HSD17B12: variants seen among roughly 807,000 people sequenced by gnomAD.
HSD17B12 encodes the protein very-long-chain 3-oxoacyl-CoA reductase.
A neutral mutation model predicts 39.3 loss-of-function variants in HSD17B12; 32 were observed. The observed-to-expected ratio is 0.81, with a 90% CI of 0.61 to 1.09. HSD17B12 has a LOEUF of 1.09. Ranked by LOEUF, HSD17B12 falls within the 50% of genes least tolerant of loss-of-function variation. The probability of loss-of-function intolerance (pLI) is 0.00; values close to 1 mark genes in which losing one functional copy is unlikely to be tolerated. For missense variants in HSD17B12, 342 were observed against 382.9 expected (o/e 0.89, Z 0.89); for synonymous variants, 150 against 146.7 (o/e 1.02, Z -0.16).
At chr11:43,640,862 C>CA in the HSD17B12 span, 1 of 151,302 alleles carries the variant, frequency 6.6e-6, no homozygotes, top group African/African-American at 2.4e-5. Context: ...AATTAGGACT[C>CA]AAAAATACAA....
chr11:43,691,270 C>T (rs935143577), intron 1 of HSD17B12, among the ~76,000 whole-genome samples: 3 of 152,208 alleles, frequency 2.0e-5, no homozygotes, highest in African/African-American at 7.2e-5. Flanking sequence ...TAGTAGCAGC[C>T]TTCAGCAACA....
the HSD17B12 span, among the ~76,000 whole-genome samples, chr11:43,565,742 G>T: frequency 1.3e-5 from 2 of 152,176 alleles, no homozygotes; most frequent in African/African-American, 4.8e-5. Context: ...TTTGTTCTGC[G>T]TGGCTTCGCA....
At chr11:43,736,368 T>G (rs1396715660) in intron 1 of HSD17B12, among the ~76,000 whole-genome samples, 1 of 152,154 alleles carries the variant, frequency 6.6e-6, no homozygotes, top group Non-Finnish European at 1.5e-5. Context: ...TTTGCCAGTT[T>G]TTTAAGTGAC....
chr11:43,667,650 G>A, the HSD17B12 span, among the ~76,000 whole-genome samples: 3 of 152,036 alleles, frequency 2.0e-5, no homozygotes, highest in Non-Finnish European at 4.4e-5. Context: ...ATCTAAACAC[G>A]AAATTCATTC....
chr11:43,842,998 T>C (rs112505641), intron 9 of HSD17B12, among the ~76,000 whole-genome samples: 146 of 152,368 alleles, frequency 9.6e-4, no homozygotes, highest in African/African-American at 3.4e-3. Context: ...TAGAAGCTAC[T>C]GTAAAAACAC....
At chr11:43,783,267 T>C (rs993291223) in intron 3 of HSD17B12, among the ~76,000 whole-genome samples, 2 of 152,308 alleles carry the variant, frequency 1.3e-5, no homozygotes, top group African/African-American at 4.8e-5. Flanking sequence ...TATTCCTCAA[T>C]GTTAATTTCT....
the HSD17B12 span, among the ~76,000 whole-genome samples, chr11:43,635,341 A>G: frequency 3.9e-5 from 6 of 152,242 alleles, no homozygotes; most frequent in Non-Finnish European, 5.9e-5. Flanking sequence ...CTGACAGGCA[A>G]ACTCAGTGTT....
the HSD17B12 span, among the ~76,000 whole-genome samples, chr11:43,616,432 A>AAAAAAAAAAC: frequency 2.0e-5 from 3 of 150,826 alleles, no homozygotes; most frequent in Admixed American, 6.6e-5. Flanking sequence ...AAACAAAAAA[A>AAAAAAAAAAC]AAACAAACAA....
chr11:43,623,654 G>A, the HSD17B12 span, among the ~76,000 whole-genome samples: 1 of 151,684 alleles, frequency 6.6e-6, no homozygotes, highest in East Asian at 1.9e-4. Flanking sequence ...GTATAAAGGG[G>A]GTAAAACGCT....
At chr11:43,735,106 C>T (rs557150143) in intron 1 of HSD17B12, among the ~76,000 whole-genome samples, 2 of 152,266 alleles carry the variant, frequency 1.3e-5, no homozygotes, top group South Asian at 2.1e-4. Flanking sequence ...AGTACTTAAT[C>T]CCTTTTTGTG....
intron 4 of HSD17B12, among the ~76,000 whole-genome samples, chr11:43,809,876 G>C (rs1423584478): frequency 2.0e-5 from 3 of 152,128 alleles, no homozygotes; most frequent in Admixed American, 1.3e-4. Flanking sequence ...TTAACTCTAA[G>C]TGCTGGAACT....
intron 4 of HSD17B12, among the ~76,000 whole-genome samples, chr11:43,805,850 T>C (rs1951013233): frequency 6.6e-6 from 1 of 152,210 alleles, no homozygotes; most frequent in Non-Finnish European, 1.5e-5. Flanking sequence ...TCAGACCATC[T>C]ACACTTTTGA....
rs61883844 is a variant in HSD17B12 at position 43,831,339 on chromosome 11, T to C, written c.536+329T>C. The C allele has an allele frequency of 0.05, 8,806 of 174,466 alleles. 249 individuals are homozygous for C. The highest frequency in any genetic ancestry group is 0.055 in the Non-Finnish European group (4,561 of 82,988). The allele number at this position is 174,466 out of a possible 1,614,324, so 10.8% of individuals were successfully genotyped here. ...AGAGTTCCTGGGATATTCCCGGGAATACCTTCTTAAAGCTGTATTCTCTCA... is the reference window on the plus strand; with the variant it reads ...AGAGTTCCTGGGATATTCCCGGGAACACCTTCTTAAAGCTGTATTCTCTCA... On this transcript the variant is annotated intron_variant, in intron 7 of 10. Coordinates refer to ENST00000278353, the MANE Select transcript of HSD17B12 (RefSeq NM_016142.3). The surrounding 1 kb of genome is among the most constrained non-coding windows in gnomAD (Gnocchi z 4.1).
chr11:43,715,537 T>C (rs997090663), intron 1 of HSD17B12, among the ~76,000 whole-genome samples: 5 of 152,250 alleles, frequency 3.3e-5, no homozygotes, highest in African/African-American at 1.2e-4. Flanking sequence ...CAGTATTTTA[T>C]TGAGGATTTT....
chr11:43,747,533 C>T (rs538976144), intron 1 of HSD17B12, among the ~76,000 whole-genome samples: 1 of 152,254 alleles, frequency 6.6e-6, no homozygotes, highest in South Asian at 2.1e-4. Flanking sequence ...TCCTAATTGC[C>T]ATCATGTTCC....
rs1203463344 is a variant in HSD17B12, at chr11:43,837,545, TG to T, written c.537-771del. 2.0e-5 allele frequency among the ~76,000 whole-genome samples: 3 copies of T among 152,336 alleles called. No individual in the cohort carries two copies. The East Asian group carries it at 5.8e-4, about 29-fold the overall frequency. On this transcript the variant is annotated intron_variant, in intron 7 of 10. Transcript: ENST00000278353. The stretch of plus-strand genomic sequence containing the variant: ...TTTCTCAAGCTAATTTTCACTTTTT[TG>T]TAGAATTAGAAATTCCTGGTAACTT...
At chr11:43,627,141 A>G in the HSD17B12 span, among the ~76,000 whole-genome samples, 1,792 of 152,134 alleles carry the variant, frequency 0.012, 21 homozygotes, top group African/African-American at 0.041. Flanking sequence ...TTTTATAGTA[A>G]TAATATACAA....
the HSD17B12 span, among the ~76,000 whole-genome samples, chr11:43,625,552 T>A: frequency 1.3e-5 from 2 of 151,456 alleles, no homozygotes; most frequent in Non-Finnish European, 3.0e-5. Context: ...TCATATATAA[T>A]ATATTTTAAG....
chr11:43,761,225 T>C (rs1293070790), intron 3 of HSD17B12, among the ~76,000 whole-genome samples: 1 of 152,238 alleles, frequency 6.6e-6, no homozygotes, highest in Non-Finnish European at 1.5e-5. Context: ...GTTACAAAAT[T>C]GTTTTATCTA....
Sources: gnomAD v4.1 joint callset for allele counts (sites outside exome capture counted in the v4.1 genomes callset) on GRCh38, gnomAD v4.1.1 for gene constraint, Gnocchi (gnomAD v3.1) non-coding constraint, MANE v1.5 for transcripts, NCBI Gene and HGNC (gene_info 2026-07-23, HGNC 2026-07-21) for gene names.